The following NLGN4Y variants were observed in gnomAD, a reference collection of about 807,000 sequenced individuals.
NLGN4Y encodes neuroligin 4 Y-linked.
NLGN4Y carries 4 observed loss-of-function variants against 8.4 expected under a neutral mutation model. That is an observed-to-expected ratio of 0.48 (90% confidence interval 0.23 to 1.09). The LOEUF (loss-of-function observed/expected upper bound fraction) is 1.09, where lower values mean the gene tolerates loss of function less well. Among genes scored for constraint, NLGN4Y ranks in the 50% least tolerant of loss-of-function variants. The pLI, the probability that NLGN4Y is intolerant of heterozygous loss-of-function variation, is 0.19. For synonymous variants in NLGN4Y, 35 were observed against 75.6 expected (o/e 0.46, Z 2.78); for missense variants, 90 against 192.3 (o/e 0.47, Z 3.15).
intron 2 of NLGN4Y, among the ~76,000 whole-genome samples, chrY:14,657,042 A>G: frequency 3.0e-5 from 1 of 32,895 alleles, no homozygotes; most frequent in Non-Finnish European, 7.4e-5. Flanking sequence ...TTTTGAAAAA[A>G]TATTACTTAT....
At chrY:14,618,155 T>G in intron 1 of NLGN4Y, among the ~76,000 whole-genome samples, 1 of 28,566 alleles carries the variant, frequency 3.5e-5, no homozygotes, top group Admixed American at 3.3e-4. Context: ...TGCAGCTAGC[T>G]CAGTGTTGGC....
chrY:14,560,801 C>A, intron 1 of NLGN4Y, among the ~76,000 whole-genome samples: 1 of 33,377 alleles, frequency 3.0e-5, no homozygotes, highest in Non-Finnish European at 7.5e-5. Flanking sequence ...ATTTTTGCAA[C>A]CTTTCTCTGC....
At chrY:14,641,400 C>T in intron 2 of NLGN4Y, among the ~76,000 whole-genome samples, 1 of 33,404 alleles carries the variant, frequency 3.0e-5, no homozygotes, top group African/African-American at 1.2e-4. Context: ...AGTGATTCAT[C>T]CCTAAACTAG....
At chrY:14,753,437 C>A (rs2081048559) in intron 4 of NLGN4Y, among the ~76,000 whole-genome samples, 1 of 29,986 alleles carries the variant, frequency 3.3e-5, no homozygotes, top group Non-Finnish European at 7.9e-5. Flanking sequence ...CCGCACCTGG[C>A]CAATTTTTTT....
chrY:14,817,679 C>A (rs2043106981), intron 4 of NLGN4Y, among the ~76,000 whole-genome samples: 1 of 33,023 alleles, frequency 3.0e-5, no homozygotes, highest in Non-Finnish European at 7.4e-5. Flanking sequence ...GGGATAGCAC[C>A]TGACCAAACA....
intron 5 of NLGN4Y, among the ~76,000 whole-genome samples, chrY:14,826,626 A>C: frequency 3.0e-5 from 1 of 33,614 alleles, no homozygotes; most frequent in Non-Finnish European, 7.4e-5. Context: ...TAAAGTTATC[A>C]GCTGGGTAAG....
intron 4 of NLGN4Y, among the ~76,000 whole-genome samples, chrY:14,796,190 G>GT (rs2043007486): frequency 6.1e-5 from 2 of 32,662 alleles, no homozygotes; most frequent in South Asian, 7.1e-4. Flanking sequence ...GTTTTTCTCT[G>GT]TTTTTTGTCA....
At chrY:14,537,757 CACTCTCTAT>C (rs2150463474) in intron 1 of NLGN4Y, among the ~76,000 whole-genome samples, 1 of 33,061 alleles carries the variant, frequency 3.0e-5, no homozygotes, top group East Asian at 8.0e-4. Flanking sequence ...GTCAGTGATA[CACTCTCTAT>C]ACTAAAAATA....
intron 4 of NLGN4Y, among the ~76,000 whole-genome samples, chrY:14,794,795 C>T (rs761196454): frequency 6.2e-4 from 21 of 33,871 alleles, no homozygotes; most frequent in Non-Finnish European, 1.2e-3. Context: ...CTTGTTCTTA[C>T]GTTCACTATA....
At chrY:14,765,387 T>G (rs1002340333) in intron 4 of NLGN4Y, among the ~76,000 whole-genome samples, 5 of 33,869 alleles carry the variant, frequency 1.5e-4, no homozygotes, top group Admixed American at 1.1e-3. Context: ...ATTAGTAGAA[T>G]AAGCAGTCTC....
rs779618102 is a variant in NLGN4Y at position 14,615,001 on chromosome Y, G to A, written c.-111-7008G>A. Among the ~76,000 whole-genome samples, 20 of 32,532 alleles carry A rather than the reference G, an allele frequency of 6.1e-4. No individual in the cohort carries two copies. The East Asian group carries it at 0.016, about 26-fold the overall frequency. 87.3% of individuals were successfully genotyped at this position (32,532 alleles called of 37,273 possible). On this transcript the variant is annotated intron_variant, in intron 1 of 6. Coordinates refer to ENST00000684976, the MANE Select transcript of NLGN4Y (RefSeq NM_001365588.1). ...AAGTCATTGGCAGCTTGATGGGGAT[G>A]GCATTGAATCTATAAATTACTTTCG...
chrY:14,651,991 C>G, intron 2 of NLGN4Y, among the ~76,000 whole-genome samples: 1 of 32,831 alleles, frequency 3.0e-5, no homozygotes, highest in East Asian at 7.9e-4. Context: ...AATTAGTGTG[C>G]TTTTATAATT....
intron 4 of NLGN4Y, among the ~76,000 whole-genome samples, chrY:14,796,209 A>G (rs769245609): frequency 4.8e-4 from 16 of 33,342 alleles, no homozygotes; most frequent in African/African-American, 1.9e-3. Flanking sequence ...CAAGATTAAC[A>G]TAATATTTTC....
intron 4 of NLGN4Y, among the ~76,000 whole-genome samples, chrY:14,743,492 TA>T (rs770037111): frequency 0.024 from 554 of 23,157 alleles, no homozygotes; most frequent in Non-Finnish European, 0.04. Context: ...ATACTGTCTT[TA>T]AAAAAAAAAA....
chrY:14,673,336 A>C, intron 2 of NLGN4Y, among the ~76,000 whole-genome samples: 1 of 32,762 alleles, frequency 3.1e-5, no homozygotes, highest in African/African-American at 1.2e-4. Flanking sequence ...TTACAAGAAA[A>C]AAACAAACAA....
At chrY:14,668,768 C>T (rs779151707) in intron 2 of NLGN4Y, among the ~76,000 whole-genome samples, 35 of 32,421 alleles carry the variant, frequency 1.1e-3, no homozygotes, top group African/African-American at 3.8e-3. Context: ...AGGAAACTTA[C>T]AGTAATGATT....
chrY:14,827,865 C>G, intron 5 of NLGN4Y, among the ~76,000 whole-genome samples: 1 of 33,124 alleles, frequency 3.0e-5, no homozygotes, highest in Non-Finnish European at 7.4e-5. Context: ...TGGAAAGAGA[C>G]AGTTTTATGA....
chrY:14,704,431 T>C, intron 2 of NLGN4Y, among the ~76,000 whole-genome samples: 1 of 33,489 alleles, frequency 3.0e-5, no homozygotes, highest in African/African-American at 1.2e-4. Flanking sequence ...ATGGTTTTTA[T>C]TGTTGGTTCT....
chrY:14,708,265 G>A (rs2080889012), intron 2 of NLGN4Y, among the ~76,000 whole-genome samples: 1 of 33,447 alleles, frequency 3.0e-5, no homozygotes, highest in East Asian at 7.9e-4. Flanking sequence ...ATAGAGAGCT[G>A]TATTTATCAT....
Sources: allele counts gnomAD v4.1 joint callset (sites outside exome capture counted in the v4.1 genomes callset), GRCh38; gene constraint gnomAD v4.1.1; transcripts MANE v1.5; gene names NCBI Gene and HGNC (gene_info 2026-07-23, HGNC 2026-07-21).